Variants in VAPA observed in about 807,000 individuals in gnomAD.
The protein encoded by VAPA is vesicle-associated membrane protein-associated protein A.
Under a neutral mutation model 25.6 loss-of-function variants are expected in VAPA, and 6 were observed. The observed-to-expected ratio is 0.23, with a 90% CI of 0.13 to 0.46. The LOEUF is 0.46. Among genes scored for constraint, VAPA ranks in the 20% least tolerant of loss-of-function variants. The pLI is 0.99. For missense variants in VAPA, 244 were observed against 302.1 expected (o/e 0.81, Z 1.43); for synonymous variants, 112 against 106.2 (o/e 1.05, Z -0.34).
chr18:9,950,861 C>T, intron 5 of VAPA: 1 of 353,304 alleles, frequency 2.8e-6, no homozygotes. Context: ...CCTAGTCATA[C>T]TGAACTGCCT....
In VAPA at chr18:9,927,415, G is replaced by GTA. The variant is rs576202060; in HGVS notation, c.80-4394_80-4393dup. Among the ~76,000 whole-genome samples, 26 of 151,712 alleles carry GTA rather than the reference G, an allele frequency of 1.7e-4. No homozygotes were observed. In the East Asian group the frequency reaches 3.5e-3, roughly 20 times the overall value. On this transcript the variant is annotated intron_variant, in intron 1 of 5. Coordinates refer to ENST00000400000, the MANE Select transcript of VAPA (RefSeq NM_194434.3). Reference sequence around the variant, plus strand: ...GCCTTTCAAGGTAACTTTGTCATCAGTAGTTCACATCAAAATATGGATGAA... The same window carrying GTA: ...GCCTTTCAAGGTAACTTTGTCATCAGTATAGTTCACATCAAAATATGGATGAA...
At chr18:9,928,409 C>T (rs866894514) in intron 1 of VAPA, among the ~76,000 whole-genome samples, 3 of 152,074 alleles carry the variant, frequency 2.0e-5, no homozygotes, top group Non-Finnish European at 2.9e-5. Context: ...GGCTAGCATT[C>T]GGCAAAGTGC....
intron 2 of VAPA, 148 bp from the exon 3 acceptor site, chr18:9,935,962 A>T (rs1384869032): frequency 1.1e-5 from 5 of 445,162 alleles, no homozygotes; most frequent in African/African-American, 2.0e-5. Context: ...TTAAATTTGC[A>T]TATTTGTGAA....
chr18:9,922,117 A>C (rs1312363427), intron 1 of VAPA, among the ~76,000 whole-genome samples: 1 of 151,974 alleles, frequency 6.6e-6, no homozygotes, highest in Non-Finnish European at 1.5e-5. Context: ...GGTGCATGCC[A>C]CTGTGCCCAG....
chr18:9,924,421 G>A (rs992854635), intron 1 of VAPA, among the ~76,000 whole-genome samples: 3 of 152,018 alleles, frequency 2.0e-5, no homozygotes, highest in Non-Finnish European at 2.9e-5. Flanking sequence ...TTGTTCTTTG[G>A]AAGTTTAGAG....
intron 1 of VAPA, among the ~76,000 whole-genome samples, chr18:9,915,399 G>A (rs560965646): frequency 2.8e-4 from 42 of 152,278 alleles, no homozygotes; most frequent in African/African-American, 8.9e-4. Context: ...TTGTCAATAT[G>A]TAGTGTACTT....
At chr18:9,919,699 A>G (rs1436617896) in intron 1 of VAPA, among the ~76,000 whole-genome samples, 1 of 152,210 alleles carries the variant, frequency 6.6e-6, no homozygotes, top group African/African-American at 2.4e-5. Context: ...AGTGGTGAAA[A>G]TAGTCAAGAT....
At chr18:9,936,321 G>A (rs1276336185) in intron 3 of VAPA, 108 bp downstream of exon 3, 4 of 672,636 alleles carry the variant, frequency 5.9e-6, no homozygotes, top group Non-Finnish European at 9.2e-6. Context: ...TTAAATTTAG[G>A]TTTTTAAAAA....
Position 9,937,021 on chromosome 18 carries a change from C to G in VAPA, c.372C>G (p.Ser124=), listed in dbSNP as rs2069317988. The change falls in exon 4 of 6, where the codon TCC becomes TCG. Residue 124 remains serine (S), a synonymous_variant. Transcript: ENST00000400000. ...CAAAACCTGATGAATTAATGGATTC[C>G]AAATTGAGATGCGTATTTGAAATGC... ...KEAKPDELMD[S]KLRCVFEMPN... 6.2e-7 allele frequency: 1 copy of G among 1,613,284 alleles called. No homozygotes were observed. The highest frequency in any genetic ancestry group is 1.3e-5 in the African/African-American group (1 of 74,798).
chr18:9,922,870 G>GT (rs1169845400), intron 1 of VAPA, among the ~76,000 whole-genome samples: 8 of 151,936 alleles, frequency 5.3e-5, no homozygotes, highest in Non-Finnish European at 1.2e-4. Context: ...TTCAGTATGG[G>GT]TTTTTTTAAT....
chr18:9,945,363 T>A (rs932509159), intron 4 of VAPA, among the ~76,000 whole-genome samples: 1 of 126,766 alleles, frequency 7.9e-6, no homozygotes, highest in African/African-American at 3.0e-5. Flanking sequence ...TTTTTTTTTT[T>A]TTTTTTTTTT....
chr18:9,954,158 G>C lies in VAPA; in HGVS notation c.697G>C (p.Val233Leu), dbSNP rs376091668. 21 of 1,613,244 alleles carry C rather than the reference G, an allele frequency of 1.3e-5. No homozygotes were observed. Among genetic ancestry groups the C allele is most frequent in the Non-Finnish European group, 1.6e-5 (19 of 1,179,776 alleles). The change falls in exon 6 of 6, where the codon GTT becomes CTT. Residue 233 changes from valine (V) to leucine (L), a missense_variant. By Grantham distance (32) the Val-to-Leu change is conservative. Coordinates refer to ENST00000400000, the MANE Select transcript of VAPA (RefSeq NM_194434.3). Reference sequence around the variant, plus strand: ...CACCAGTCCTCTTCCTTCACTTCTTGTTGTAATTGCAGCCATTTTCATTGG... The same window carrying C: ...CACCAGTCCTCTTCCTTCACTTCTTCTTGTAATTGCAGCCATTTTCATTGG... The part of the protein sequence containing the change: ...NVTSPLPSLL[V>L]VIAAIFIGFF...
intron 1 of VAPA, among the ~76,000 whole-genome samples, chr18:9,918,346 A>C (rs1270299918): frequency 6.6e-6 from 1 of 152,162 alleles, no homozygotes; most frequent in Non-Finnish European, 1.5e-5. Flanking sequence ...TTTCCTTTGC[A>C]TTCAGACTTT....
In VAPA at chr18:9,959,140, GAA is replaced by G. The variant is rs1349075206; in HGVS notation, c.*4931_*4932del. On this transcript the variant is annotated 3_prime_UTR_variant, in exon 6 of 6. Transcript: ENST00000400000. ...AAGTCTACACAGCTGAAGTAGCAGA[GAA>G]AGTGGGATCTAGATGGTCTGATCCT... The G allele has an allele frequency of 6.6e-6, 1 of 152,150 alleles. No individual in the cohort carries two copies. The highest frequency in any genetic ancestry group is 1.5e-5 in the Non-Finnish European group (1 of 68,010). The allele number at this position is 152,150 out of a possible 1,614,324, so 9.4% of individuals were successfully genotyped here.
Position 9,958,562 on chromosome 18 carries a change from C to T in VAPA, c.*4351C>T, listed in dbSNP as rs1287916344. The T allele has an allele frequency of 1.3e-5, 2 of 151,582 alleles. No homozygotes were observed. Among genetic ancestry groups the T allele is most frequent in the Admixed American group, 1.3e-4 (2 of 15,180 alleles). The allele number at this position is 151,582 out of a possible 1,614,324, so 9.4% of individuals were successfully genotyped here. On this transcript the variant is annotated 3_prime_UTR_variant, in exon 6 of 6. Coordinates refer to ENST00000400000, the MANE Select transcript of VAPA (RefSeq NM_194434.3). ...GAATAGCACCCCCAGAGATACTGACCTAATTGGTCTGGGGTGGAGATCTGG... is the reference window on the plus strand; with the variant it reads ...GAATAGCACCCCCAGAGATACTGACTTAATTGGTCTGGGGTGGAGATCTGG...
intron 4 of VAPA, chr18:9,948,486 A>C (rs1042611766): frequency 3.9e-5 from 6 of 152,218 alleles, no homozygotes; most frequent in African/African-American, 1.4e-4. Context: ...AATTTTATGC[A>C]ATGTAAAGAA....
rs1171925712 is a variant in VAPA at position 9,954,241 on chromosome 18, T to C, written c.*30T>C. ...AAGCATGCAGAGTGCTGTTTCTTTT[T>C]TTTTTTTTCTCTTGACCAGAAAAAG... On this transcript the variant is annotated 3_prime_UTR_variant, in exon 6 of 6. Transcript: ENST00000400000. The C allele has an allele frequency of 8.9e-6, 14 of 1,565,570 alleles. No homozygotes were observed. The highest frequency in any genetic ancestry group is 1.2e-5 in the Non-Finnish European group (14 of 1,162,696).
intron 4 of VAPA, among the ~76,000 whole-genome samples, chr18:9,940,655 A>G (rs979348332): frequency 6.6e-6 from 1 of 152,168 alleles, no homozygotes; most frequent in Non-Finnish European, 1.5e-5. Flanking sequence ...TGATCCTGAG[A>G]AGAATGGGCG....
chr18:9,916,751 GACTT>G (rs930059427), intron 1 of VAPA, among the ~76,000 whole-genome samples: 5 of 152,186 alleles, frequency 3.3e-5, no homozygotes, highest in Non-Finnish European at 5.9e-5. Flanking sequence ...TCATTTAACT[GACTT>G]ACCCTAAGTC....
Sources: gnomAD v4.1 joint callset for allele counts (sites outside exome capture counted in the v4.1 genomes callset) on GRCh38, gnomAD v4.1.1 for gene constraint, MANE v1.5 for transcripts, NCBI Gene and HGNC (gene_info 2026-07-23, HGNC 2026-07-21) for gene names.